Variants in MEX3C observed in about 807,000 individuals in gnomAD.
MEX3C encodes the protein mex-3 RNA binding family member C, also known as RNA-binding E3 ubiquitin-protein ligase MEX3C.
In MEX3C, 15 loss-of-function variants were observed where a neutral mutation model predicts 35.5. The observed-to-expected ratio is 0.42, with a 90% CI of 0.28 to 0.65. MEX3C has a LOEUF of 0.65. Among genes scored for constraint, MEX3C ranks in the 30% least tolerant of loss-of-function variants. The pLI is 0.20. For synonymous variants in MEX3C, 390 were observed against 352.8 expected, an observed-to-expected ratio of 1.11 and a Z score of -1.18; for missense variants, 711 against 842.8, an observed-to-expected ratio of 0.84 and a Z score of 1.94.
chr18:51,186,885 A>C (rs1912552048), intron 1 of MEX3C, among the ~76,000 whole-genome samples: 1 of 152,200 alleles, frequency 6.6e-6, no homozygotes, highest in African/African-American at 2.4e-5. Flanking sequence ...TGACTAAAGA[A>C]AGCTCAAACC....
intron 1 of MEX3C, among the ~76,000 whole-genome samples, chr18:51,183,566 C>T (rs1912472986): frequency 6.6e-6 from 1 of 152,178 alleles, no homozygotes; most frequent in Non-Finnish European, 1.5e-5. Context: ...AAACACTAAC[C>T]TAGGTGGCCC....
In MEX3C at chr18:51,197,305, A is replaced by C; in HGVS notation, c.16T>G (p.Ser6Ala). The C allele has an allele frequency of 1.7e-6, 1 of 596,316 alleles. No homozygotes were observed. The highest frequency in any genetic ancestry group is 2.1e-6 in the Non-Finnish European group (1 of 477,878). The allele number at this position is 596,316 out of a possible 1,614,324, so 36.9% of individuals were successfully genotyped here. ...GCCGCCGCCAGGGCCAGGGCCGCGG[A>C]GCTGCCGCTGGGCATCGCGGCGGCG... is the stretch of plus-strand genomic sequence containing the variant. MPSGS[S>A]AALALAAAPA... The change falls in exon 1 of 2, where the codon TCC becomes GCC. Residue 6 changes from serine (S) to alanine (A), a missense_variant. By Grantham distance (99) the Ser-to-Ala change is moderately conservative. Coordinates refer to ENST00000406189, the MANE Select transcript of MEX3C (RefSeq NM_016626.5).
At chr18:51,193,152 A>G (rs1040925086) in intron 1 of MEX3C, 1 of 152,198 alleles carries the variant, frequency 6.6e-6, no homozygotes, top group Admixed American at 6.5e-5. Flanking sequence ...TATTAAGCAC[A>G]CTTACTATTC....
intron 1 of MEX3C, among the ~76,000 whole-genome samples, chr18:51,185,923 A>C (rs547571212): frequency 5.9e-5 from 9 of 152,272 alleles, no homozygotes; most frequent in African/African-American, 2.2e-4. Context: ...TATTAAAATA[A>C]AAATATCAAA....
At chr18:51,180,731 C>A (rs1328017542) in intron 1 of MEX3C, among the ~76,000 whole-genome samples, 1 of 152,184 alleles carries the variant, frequency 6.6e-6, no homozygotes, top group Non-Finnish European at 1.5e-5. Context: ...GATCTGCCCG[C>A]GTTGGCCTCC....
intron 1 of MEX3C, chr18:51,193,876 G>T (rs1912713013): frequency 6.6e-6 from 1 of 152,200 alleles, no homozygotes; most frequent in Non-Finnish European, 1.5e-5. Flanking sequence ...AATTCCATTT[G>T]TCCTGCTCTT....
rs1162697309 is a variant in MEX3C, at chr18:51,197,012, C to T, written c.309G>A (p.Ala103=). The T allele has an allele frequency of 9.2e-6, 14 of 1,525,882 alleles. No homozygotes were observed. The highest frequency in any genetic ancestry group is 1.1e-5 in the Non-Finnish European group (13 of 1,140,868). The allele number at this position is 1,525,882 out of a possible 1,614,324, so 94.5% of individuals were successfully genotyped here. A position where few individuals can be genotyped will look rare whatever the true frequency, so the allele number is the denominator to read the frequency against. ...CGTCCTCTTCCAGCTCCAGCTCGGC[C>T]GCCTCCGGGGCCCCGGGCCGGCCGG... ...APPGRPGAPE[A]AELELEEDEE... The change falls in exon 1 of 2, where the codon GCG becomes GCA. Residue 103 remains alanine (A), a synonymous_variant. Coordinates refer to ENST00000406189, the MANE Select transcript of MEX3C (RefSeq NM_016626.5).
chr18:51,190,090 CA>C (rs1328149352), intron 1 of MEX3C, among the ~76,000 whole-genome samples: 1 of 152,058 alleles, frequency 6.6e-6, no homozygotes, highest in Non-Finnish European at 1.5e-5. Flanking sequence ...ATCCTCACAA[CA>C]AATGAGGGAG....
chr18:51,184,550 A>G (rs1912495230), intron 1 of MEX3C, among the ~76,000 whole-genome samples: 1 of 152,232 alleles, frequency 6.6e-6, no homozygotes. Context: ...AAGTCTCTCA[A>G]GAATTATTGT....
chr18:51,182,063 T>A (rs1307526414), intron 1 of MEX3C, among the ~76,000 whole-genome samples: 1 of 152,208 alleles, frequency 6.6e-6, no homozygotes, highest in Non-Finnish European at 1.5e-5. Flanking sequence ...CAGTACAGAA[T>A]AAAAAGATAT....
intron 1 of MEX3C, among the ~76,000 whole-genome samples, chr18:51,187,987 G>T (rs1424619364): frequency 6.6e-6 from 1 of 152,176 alleles, no homozygotes; most frequent in African/African-American, 2.4e-5. Flanking sequence ...CTAAATCCCA[G>T]TAAGAATGTT....
At chr18:51,191,549 A>C (rs1474149737) in intron 1 of MEX3C, among the ~76,000 whole-genome samples, 1 of 152,232 alleles carries the variant, frequency 6.6e-6, no homozygotes, top group African/African-American at 2.4e-5. Flanking sequence ...AAAGGCATTC[A>C]GATATCCGTT....
chr18:51,186,905 A>T (rs886517798), intron 1 of MEX3C, among the ~76,000 whole-genome samples: 7 of 152,250 alleles, frequency 4.6e-5, no homozygotes, highest in African/African-American at 1.7e-4. Context: ...CCTTACAAGC[A>T]AACATCACAA....
intron 1 of MEX3C, among the ~76,000 whole-genome samples, chr18:51,186,982 G>C (rs1912554763): frequency 6.6e-6 from 1 of 152,134 alleles, no homozygotes; most frequent in Non-Finnish European, 1.5e-5. Context: ...TTCCCAAGAG[G>C]TTTTGTTTTG....
chr18:51,195,804 C>T (rs1912770913), intron 1 of MEX3C: 1 of 152,214 alleles, frequency 6.6e-6, no homozygotes, highest in African/African-American at 2.4e-5. Flanking sequence ...GTCTGCAGTA[C>T]TGGTGTGCTG....
chr18:51,180,901 CAT>C (rs1912413884), intron 1 of MEX3C, among the ~76,000 whole-genome samples: 2 of 152,224 alleles, frequency 1.3e-5, no homozygotes, highest in South Asian at 4.1e-4. Flanking sequence ...GCTCACCAAT[CAT>C]ACCACTGTTT....
intron 1 of MEX3C, chr18:51,193,613 T>G (rs2144559427): frequency 6.6e-6 from 1 of 152,354 alleles, no homozygotes; most frequent in South Asian, 2.1e-4. Context: ...ATTCTAAAAC[T>G]TCTTTGATTA....
rs1912827850 is a variant in MEX3C, at chr18:51,197,150, G to A, written c.171C>T (p.Leu57=). The change falls in exon 1 of 2, where the codon CTC becomes CTT. Residue 57 remains leucine, a synonymous_variant. Transcript: ENST00000406189. The part of the protein sequence containing the change: ...LLRERLAALG[L]DDPSPAEPGA... ...CGGGCTCCGCCGGGCTGGGGTCGTCGAGGCCTAGCGCGGCCAAGCGCTCCC... is the reference window on the plus strand; with the variant it reads ...CGGGCTCCGCCGGGCTGGGGTCGTCAAGGCCTAGCGCGGCCAAGCGCTCCC... The A allele has an allele frequency of 9.4e-7, 1 of 1,062,300 alleles. No homozygotes were observed. The highest frequency in any genetic ancestry group is 1.7e-5 in the African/African-American group (1 of 58,352). The allele number at this position is 1,062,300 out of a possible 1,614,324, so 65.8% of individuals were successfully genotyped here.
At chr18:51,185,486 T>G (rs1178082356) in intron 1 of MEX3C, among the ~76,000 whole-genome samples, 1 of 152,230 alleles carries the variant, frequency 6.6e-6, no homozygotes, top group African/African-American at 2.4e-5. Context: ...CAATCACGTC[T>G]GCATAAACAC....
Sources: allele counts gnomAD v4.1 joint callset (sites outside exome capture counted in the v4.1 genomes callset), GRCh38; gene constraint gnomAD v4.1.1; transcripts MANE v1.5; gene names NCBI Gene and HGNC (gene_info 2026-07-23, HGNC 2026-07-21).